The following MGAT3 variants were observed in gnomAD, a reference collection of about 807,000 sequenced individuals.
MGAT3 encodes the protein GlcNAc-T III.
Under a neutral mutation model 29.8 loss-of-function variants are expected in MGAT3, and 9 were observed. The observed-to-expected ratio is 0.30, with a 90% CI of 0.18 to 0.53. The LOEUF (loss-of-function observed/expected upper bound fraction) is 0.53, where lower values mean the gene tolerates loss of function less well. Among genes scored for constraint, MGAT3 ranks in the 20% least tolerant of loss-of-function variants. The pLI, the probability that MGAT3 is intolerant of heterozygous loss-of-function variation, is 0.96. For missense variants in MGAT3, 557 were observed against 769.5 expected (o/e 0.72, Z 3.27); for synonymous variants, 397 against 348.9 (o/e 1.14, Z -1.54).
chr22:39,489,047 A>C lies in MGAT3; in HGVS notation c.*98A>C, dbSNP rs1929377574. 4.1e-5 allele frequency: 36 copies of C among 871,772 alleles called. No individual in the cohort carries two copies. The highest frequency in any genetic ancestry group is 2.0e-4 in the East Asian group (5 of 25,424). The allele number at this position is 871,772 out of a possible 1,614,324, so 54.0% of individuals were successfully genotyped here. A position where few individuals can be genotyped will look rare whatever the true frequency, so the allele number is the denominator to read the frequency against. ...TGCCGGCTCCTTGGTTCTTGAGGGG[A>C]CCAGGAGTGGGTGGGGAGTGGGGGT... On this transcript the variant is annotated 3_prime_UTR_variant, in exon 2 of 2. Coordinates refer to ENST00000341184, the MANE Select transcript of MGAT3 (RefSeq NM_002409.5).
At position 39,468,881 on chromosome 22, in the gene MGAT3, G is replaced by A. The variant is rs147521351; in HGVS notation, c.-2+11324G>A. On this transcript the variant is annotated intron_variant, in intron 1 of 1. Coordinates refer to ENST00000341184, the MANE Select transcript of MGAT3 (RefSeq NM_002409.5). ...AGCCGAATCCTCCAGGAACAGGCAC[G>A]GAGATTGAAGGGTGAGATTACACAG... is the stretch of plus-strand genomic sequence containing the variant. Among the ~76,000 whole-genome samples the A allele has an allele frequency of 3.5e-4, 53 of 152,060 alleles. 2 individuals carry two copies. The highest frequency in any genetic ancestry group is 1.1e-3 in the African/African-American group (46 of 41,344).
At chr22:39,475,128 C>CTTTTTTTTTTTTT (rs58543840) in intron 1 of MGAT3, among the ~76,000 whole-genome samples, 21 of 118,770 alleles carry the variant, frequency 1.8e-4, no homozygotes, top group African/African-American at 7.8e-4. Context: ...GCTTGCCAGG[C>CTTTTTTTTTTTTT]TTTTTTTTTT....
chr22:39,458,574 G>A (rs1343202156), intron 1 of MGAT3, among the ~76,000 whole-genome samples: 1 of 152,134 alleles, frequency 6.6e-6, no homozygotes, highest in East Asian at 1.9e-4. Flanking sequence ...AGGAGCTGCA[G>A]CTCTGAGGGG....
rs769431587 is a variant in MGAT3 at position 39,488,914 on chromosome 22, C to T, written c.1567C>T (p.Pro523Ser). Reference sequence around the variant, plus strand: ...CCACAGGGGTCCCGAGGGAAGGCCGCCCGCCCGGGGCAAACTGGACGAGGC... The same window carrying T: ...CCACAGGGGTCCCGAGGGAAGGCCGTCCGCCCGGGGCAAACTGGACGAGGC... ...WRHRGPEGRP[P>S]ARGKLDEAEV The change falls in exon 2 of 2, where the codon CCC (proline) becomes TCC (serine). Residue 523 changes from proline to serine, a missense_variant. By Grantham distance (74) the Pro-to-Ser change is moderately conservative. Coordinates refer to ENST00000341184, the MANE Select transcript of MGAT3 (RefSeq NM_002409.5). The T allele has an allele frequency of 2.7e-5, 43 of 1,604,294 alleles. No homozygotes were observed. In the East Asian group the frequency reaches 5.8e-4, roughly 22 times the overall value.
At chr22:39,480,361 C>T (rs143729385) in intron 1 of MGAT3, among the ~76,000 whole-genome samples, 5 of 152,212 alleles carry the variant, frequency 3.3e-5, no homozygotes, top group African/African-American at 7.2e-5. Context: ...AGGCCCTAAG[C>T]CCTCGCTCAG....
chr22:39,460,322 A>G (rs557112501), intron 1 of MGAT3, among the ~76,000 whole-genome samples: 75 of 152,344 alleles, frequency 4.9e-4, no homozygotes, highest in Non-Finnish European at 9.4e-4. Context: ...ATTGGGGAGC[A>G]GATACCCCTG....
rs1928370318 is a variant in MGAT3 at position 39,457,615 on chromosome 22, GC to G, written c.-2+61del. 1 of 149,530 alleles carries G rather than the reference GC, an allele frequency of 6.7e-6. No homozygotes were observed. Among genetic ancestry groups the G allele is most frequent in the Non-Finnish European group, 1.5e-5 (1 of 66,984 alleles). 9.3% of individuals were successfully genotyped at this position (149,530 alleles called of 1,614,324 possible). A position where few individuals can be genotyped will look rare whatever the true frequency, so the allele number is the denominator to read the frequency against. On this transcript the variant is annotated intron_variant, in intron 1 of 1. Coordinates refer to ENST00000341184, the MANE Select transcript of MGAT3 (RefSeq NM_002409.5). This position sits in a 1 kb window ranked among gnomAD's most constrained non-coding sequence, Gnocchi z 6.8. ...CGGCCCCTCTATCCCCGCGCTGCCC[GC>G]CCTCCCGCGCTGCGCTTGGCGCCCC...
chr22:39,487,901 C>G lies in MGAT3; in HGVS notation c.554C>G (p.Pro185Arg). Residue 185 changes from proline (P) to arginine (R), a missense_variant, in exon 2 of 2, where the codon CCC becomes CGC. Transcript: ENST00000341184. The surrounding 1 kb of genome is among the most constrained non-coding windows in gnomAD (Gnocchi z 5.7). The part of the protein sequence containing the change: ...PGWHGPSCGV[P>R]TVVQYSNLPT... ...TGGCACGGACCCAGCTGCGGCGTGC[C>G]CACTGTGGTGCAGTACTCCAACCTG... 6.3e-7 allele frequency: 1 copy of G among 1,592,340 alleles called. No individual in the cohort carries two copies. Among genetic ancestry groups the G allele is most frequent in the Non-Finnish European group, 8.6e-7 (1 of 1,168,814 alleles).
intron 1 of MGAT3, chr22:39,477,866 C>G (rs1382232073): frequency 6.6e-6 from 1 of 152,258 alleles, no homozygotes; most frequent in African/African-American, 2.4e-5. Context: ...TTAACTCACT[C>G]AACTCTCACA....
rs1417426092 is a variant in MGAT3, at chr22:39,489,812, G to A, written c.*863G>A. ...GAAGTGGGGAGGAGAAGACTGACAT[G>A]AGTCCTCTGCACGGATCCGTCTCTC... On this transcript the variant is annotated 3_prime_UTR_variant, in exon 2 of 2. Transcript: ENST00000341184. 8.4e-5 allele frequency: 14 copies of A among 167,522 alleles called. No individual in the cohort carries two copies. Among genetic ancestry groups the A allele is most frequent in the African/African-American group, 2.4e-5 (1 of 41,462 alleles). 10.4% of individuals were successfully genotyped at this position (167,522 alleles called of 1,614,324 possible).
chr22:39,460,753 C>T (rs1928475014), intron 1 of MGAT3, among the ~76,000 whole-genome samples: 2 of 152,078 alleles, frequency 1.3e-5, no homozygotes, highest in Admixed American at 6.6e-5. Context: ...GTTGAGATTG[C>T]GCCACTGCAC....
intron 1 of MGAT3, chr22:39,475,753 C>G (rs1394461552): frequency 6.6e-6 from 1 of 152,464 alleles, no homozygotes; most frequent in Non-Finnish European, 1.5e-5. Context: ...GCCTCCTGCC[C>G]TCTCCGTTCA....
Position 39,457,368 on chromosome 22 carries a change from G to C in MGAT3, c.-191G>C, listed in dbSNP as rs1477569010. The C allele has an allele frequency of 7.2e-6, 1 of 139,324 alleles. No individual in the cohort carries two copies. The highest frequency in any genetic ancestry group is 2.5e-5 in the African/African-American group (1 of 39,430). 8.6% of individuals were successfully genotyped at this position (139,324 alleles called of 1,614,324 possible). ...GACGGGGTGGAAGTGGGGGTGGGGG[G>C]AGGGGATCGGGGCCGGGCCGGGGCC... On this transcript the variant is annotated 5_prime_UTR_variant, in exon 1 of 2. Coordinates refer to ENST00000341184, the MANE Select transcript of MGAT3 (RefSeq NM_002409.5). This position sits in a 1 kb window ranked among gnomAD's most constrained non-coding sequence, Gnocchi z 6.8.
rs759171692 is a variant in MGAT3, at chr22:39,489,024, C to T, written c.*75C>T. 52 of 1,473,072 alleles carry T rather than the reference C, an allele frequency of 3.5e-5. No homozygotes were observed. Among genetic ancestry groups the T allele is most frequent in the Non-Finnish European group, 4.4e-5 (49 of 1,109,898 alleles). 91.3% of individuals were successfully genotyped at this position (1,473,072 alleles called of 1,614,324 possible). ...CCTAGCGCTATCTCCCTGCCTCCTG[C>T]CGGCTCCTTGGTTCTTGAGGGGACC... On this transcript the variant is annotated 3_prime_UTR_variant, in exon 2 of 2. Transcript: ENST00000341184.
intron 1 of MGAT3, among the ~76,000 whole-genome samples, chr22:39,484,124 C>T (rs990759180): frequency 3.3e-5 from 5 of 152,176 alleles, no homozygotes; most frequent in Non-Finnish European, 5.9e-5. Context: ...GCCCCTAGGT[C>T]CTGGTTTCCT....
intron 1 of MGAT3, among the ~76,000 whole-genome samples, chr22:39,486,665 T>C (rs1569005914): frequency 6.6e-6 from 1 of 152,034 alleles, no homozygotes; most frequent in East Asian, 1.9e-4. Flanking sequence ...CACACCTGGC[T>C]AATTTTTAAA....
At chr22:39,480,497 C>T (rs535737387) in intron 1 of MGAT3, among the ~76,000 whole-genome samples, 3 of 152,320 alleles carry the variant, frequency 2.0e-5, no homozygotes, top group African/African-American at 7.2e-5. Context: ...TGGACGATGT[C>T]CCCCACAGTG....
Position 39,457,209 on chromosome 22 carries a change from C to T in MGAT3, c.-350C>T, listed in dbSNP as rs1928351991. ...CCGCTTGAGCCGGCGGGAGCGGGCA[C>T]CCCTGCGCGCCGCGCTCGGCCTCGC... On this transcript the variant is annotated 5_prime_UTR_variant, in exon 1 of 2. Transcript: ENST00000341184. This position sits in a 1 kb window ranked among gnomAD's most constrained non-coding sequence, Gnocchi z 6.8. 6.9e-6 allele frequency: 1 copy of T among 145,298 alleles called. No homozygotes were observed. Among genetic ancestry groups the T allele is most frequent in the Non-Finnish European group, 1.5e-5 (1 of 65,368 alleles). The allele number at this position is 145,298 out of a possible 1,614,324, so 9.0% of individuals were successfully genotyped here.
rs920503769 is a variant in MGAT3 at position 39,468,696 on chromosome 22, T to C, written c.-2+11139T>C. On this transcript the variant is annotated intron_variant, in intron 1 of 1. Transcript: ENST00000341184. ...GTGCGGGTGTGTGGATTTGGCGTGG[T>C]CATTTATTCATTCAACAAACTCAGG... Among the ~76,000 whole-genome samples, 2 of 150,008 alleles carry C rather than the reference T, an allele frequency of 1.3e-5. 1 individual carries two copies. Among genetic ancestry groups the C allele is most frequent in the African/African-American group, 5.1e-5 (2 of 39,538 alleles).
Sources: gnomAD v4.1 joint callset for allele counts (sites outside exome capture counted in the v4.1 genomes callset) on GRCh38, gnomAD v4.1.1 for gene constraint, Gnocchi (gnomAD v3.1) non-coding constraint, MANE v1.5 for transcripts, NCBI Gene and HGNC (gene_info 2026-07-23, HGNC 2026-07-21) for gene names.